NOL4: variants seen among roughly 807,000 people sequenced by gnomAD.
The protein encoded by NOL4 is cancer/testis antigen 125.
A neutral mutation model predicts 75.9 loss-of-function variants in NOL4; 17 were observed. The ratio of observed to expected loss-of-function variants is 0.22; its 90% CI spans 0.15 to 0.34. The LOEUF (loss-of-function observed/expected upper bound fraction) is 0.34. NOL4 is among the 10% of genes least tolerant of loss of function. NOL4 has a pLI of 1.00. For missense variants in NOL4, 614 were observed against 793.5 expected (o/e 0.77, Z 2.72); for synonymous variants, 292 against 289.9 (o/e 1.01, Z -0.07).
intron 2 of NOL4, among the ~76,000 whole-genome samples, chr18:34,110,128 CAAAAAAAAAAA>C (rs57576599): frequency 1.4e-3 from 69 of 47,866 alleles, no homozygotes; most frequent in African/African-American, 5.0e-3. Context: ...CGCCCTCCCA[CAAAAAAAAAAA>C]AAAAAAAAAA....
intron 1 of NOL4, among the ~76,000 whole-genome samples, chr18:34,203,717 T>TCTCTCTCTCTCTCACACA (rs1261546835): frequency 4.1e-5 from 3 of 72,300 alleles, no homozygotes; most frequent in Non-Finnish European, 8.0e-5. Flanking sequence ...TCTCTCTCTC[T>TCTCTCTCTCTCTCACACA]CACACACACA....
At chr18:33,969,643 A>C (rs1396889358) in intron 6 of NOL4, among the ~76,000 whole-genome samples, 1 of 151,934 alleles carries the variant, frequency 6.6e-6, no homozygotes, top group African/African-American at 2.4e-5. Context: ...TATCTGGTTT[A>C]CTCATTTACC....
rs2081311159 is a variant in NOL4 at position 34,144,301 on chromosome 18, T to C, written c.265-14281A>G. ...CTCTCATGAGTTAGTACAATCCAGC[T>C]CCAGGATATCAACATTTTTATGTCA... On this transcript the variant is annotated intron_variant, in intron 1 of 10. Transcript: ENST00000261592. Among the ~76,000 whole-genome samples, 5 of 152,200 alleles carry C rather than the reference T, an allele frequency of 3.3e-5. No homozygotes were observed. The South Asian group carries it at 1.0e-3, about 32-fold the overall frequency.
At chr18:33,862,329 A>C (rs1204330473) in intron 10 of NOL4, among the ~76,000 whole-genome samples, 3 of 152,066 alleles carry the variant, frequency 2.0e-5, no homozygotes, top group African/African-American at 4.8e-5. Context: ...AGAAGAAAAC[A>C]CAGGCATTAC....
intron 5 of NOL4, among the ~76,000 whole-genome samples, chr18:34,022,836 T>C (rs2144514309): frequency 6.6e-6 from 1 of 152,228 alleles, no homozygotes; most frequent in South Asian, 2.1e-4. Flanking sequence ...CCTACATCTG[T>C]TTCTTCAATC....
chr18:33,943,537 A>T (rs999692655), intron 8 of NOL4, among the ~76,000 whole-genome samples: 2 of 151,894 alleles, frequency 1.3e-5, no homozygotes, highest in African/African-American at 4.8e-5. Flanking sequence ...GACATGCACA[A>T]AAAAAACCAA....
Position 34,019,436 on chromosome 18 carries a change from G to A in NOL4, c.938C>T (p.Ala313Val), listed in dbSNP as rs776824670. 12 of 1,613,658 alleles carry A rather than the reference G, an allele frequency of 7.4e-6. No homozygotes were observed. Among genetic ancestry groups the A allele is most frequent in the African/African-American group, 2.7e-5 (2 of 74,800 alleles). ...PLNLSDSPLS[A>V]QLTSEYRIDD... Reference sequence around the variant, plus strand: ...TATTCTGTATTCCGAAGTTAGCTGCGCAGAGAGGGGACTGTCACTCAGGTT... The same window carrying A: ...TATTCTGTATTCCGAAGTTAGCTGCACAGAGAGGGGACTGTCACTCAGGTT... The change falls in exon 6 of 11, where the codon GCG becomes GTG. Residue 313 changes from alanine (A) to valine (V), a missense_variant. Coordinates refer to ENST00000261592, the MANE Select transcript of NOL4 (RefSeq NM_003787.5).
intron 5 of NOL4, among the ~76,000 whole-genome samples, chr18:34,090,571 A>G (rs929058121): frequency 4.6e-5 from 7 of 151,854 alleles, no homozygotes; most frequent in Admixed American, 2.6e-4. Context: ...AGGAAGAGGG[A>G]GTTGAAGCCT....
intron 5 of NOL4, among the ~76,000 whole-genome samples, chr18:34,092,126 G>A (rs1248673868): frequency 1.3e-5 from 2 of 151,090 alleles, no homozygotes; most frequent in African/African-American, 4.9e-5. Flanking sequence ...GCAAATTAAT[G>A]GAGTGATATA....
chr18:33,972,277 T>TA lies in NOL4; in HGVS notation c.1057-13860dup, dbSNP rs202137031. 1.8e-3 allele frequency among the ~76,000 whole-genome samples: 263 copies of TA among 149,658 alleles called. 1 individual carries two copies. The highest frequency in any genetic ancestry group is 5.8e-3 in the African/African-American group (237 of 40,798). ...TATAAAAATGCCTGCAACTCAACAA[T>TA]AAAAAAAAACAAATAACCTGATTAA... On this transcript the variant is annotated intron_variant, in intron 6 of 10. Transcript: ENST00000261592.
chr18:33,990,154 G>A (rs1162407744), intron 6 of NOL4, among the ~76,000 whole-genome samples: 1 of 152,024 alleles, frequency 6.6e-6, no homozygotes, highest in Non-Finnish European at 1.5e-5. Flanking sequence ...ATTGTGACAG[G>A]AAGATAAAGA....
intron 5 of NOL4, among the ~76,000 whole-genome samples, chr18:34,025,965 A>C (rs1054452127): frequency 6.6e-6 from 1 of 152,098 alleles, no homozygotes; most frequent in East Asian, 1.9e-4. Context: ...AGCCAGGACT[A>C]CTCATTGATG....
At chr18:34,036,263 G>T (rs996218923) in intron 5 of NOL4, among the ~76,000 whole-genome samples, 14 of 152,098 alleles carry the variant, frequency 9.2e-5, no homozygotes, top group African/African-American at 2.9e-4. Flanking sequence ...ATATCAAAAA[G>T]ATAATAAACC....
At chr18:34,024,194 A>AATATATATATATATAT (rs1555696185) in intron 5 of NOL4, among the ~76,000 whole-genome samples, 3 of 70,676 alleles carry the variant, frequency 4.2e-5, no homozygotes, top group African/African-American at 1.6e-4. Flanking sequence ...AAAAAAAAAA[A>AATATATATATATATAT]ATATATATAT....
chr18:34,161,530 G>T (rs2031480536), intron 1 of NOL4, among the ~76,000 whole-genome samples: 1 of 152,022 alleles, frequency 6.6e-6, no homozygotes, highest in Non-Finnish European at 1.5e-5. Context: ...TTTGATAATA[G>T]CCATTCTAAC....
intron 9 of NOL4, among the ~76,000 whole-genome samples, chr18:33,900,748 A>C (rs2065699983): frequency 6.6e-6 from 1 of 152,176 alleles, no homozygotes; most frequent in Non-Finnish European, 1.5e-5. Flanking sequence ...TTCAGACATA[A>C]TTTGGATCCA....
chr18:34,098,659 C>T (rs574203163), intron 4 of NOL4, among the ~76,000 whole-genome samples: 6 of 152,214 alleles, frequency 3.9e-5, no homozygotes, highest in African/African-American at 1.4e-4. Flanking sequence ...CATCTAATTT[C>T]TCCCCTTTGA....
intron 9 of NOL4, among the ~76,000 whole-genome samples, chr18:33,910,352 TAGTG>T: frequency 6.6e-6 from 1 of 152,140 alleles, no homozygotes; most frequent in Non-Finnish European, 1.5e-5. Context: ...GACAAGAGTC[TAGTG>T]TTTGAAAGAT....
intron 5 of NOL4, among the ~76,000 whole-genome samples, chr18:34,028,485 T>C (rs1322161616): frequency 2.8e-4 from 43 of 152,192 alleles, no homozygotes; most frequent in Admixed American, 2.6e-3. Context: ...GCCTACTGCA[T>C]TGATAGCCAC....
Sources: allele counts gnomAD v4.1 joint callset (sites outside exome capture counted in the v4.1 genomes callset), GRCh38; gene constraint gnomAD v4.1.1; transcripts MANE v1.5; gene names NCBI Gene and HGNC (gene_info 2026-07-23, HGNC 2026-07-21).